Variants in DCDC1 observed in about 807,000 individuals in gnomAD.
The protein encoded by DCDC1 is doublecortin domain containing 1.
A neutral mutation model predicts 178.3 loss-of-function variants in DCDC1; 200 were observed. The ratio of observed to expected loss-of-function variants is 1.12; its 90% CI spans 1.00 to 1.26. DCDC1 has a LOEUF of 1.26. DCDC1 is among the 50% of genes most tolerant of loss of function. The pLI, the probability that DCDC1 is intolerant of heterozygous loss-of-function variation, is 0.00. For synonymous variants in DCDC1, 690 were observed against 604.8 expected (o/e 1.14, Z -2.07); for missense variants, 1,983 against 1,749.2 (o/e 1.13, Z -2.38).
intron 7 of DCDC1, among the ~76,000 whole-genome samples, chr11:31,271,351 T>C (rs1277440005): frequency 1.3e-5 from 2 of 152,224 alleles, no homozygotes; most frequent in African/African-American, 4.8e-5. Context: ...CTCTCTCATG[T>C]ATATTCATCT....
At chr11:31,301,219 A>G (rs1948094906) in intron 6 of DCDC1, among the ~76,000 whole-genome samples, 1 of 152,166 alleles carries the variant, frequency 6.6e-6, no homozygotes, top group South Asian at 2.1e-4. Flanking sequence ...TTGAATATAT[A>G]TAGAAAAGTG....
chr11:31,367,208 C>A (rs1444507266), intron 1 of DCDC1, among the ~76,000 whole-genome samples: 1 of 152,142 alleles, frequency 6.6e-6, no homozygotes, highest in Non-Finnish European at 1.5e-5. Flanking sequence ...CTGAGGTGGG[C>A]AGATGACTTG....
intron 11 of DCDC1, among the ~76,000 whole-genome samples, chr11:31,122,553 T>C (rs1960970278): frequency 6.6e-6 from 1 of 152,098 alleles, no homozygotes; most frequent in South Asian, 2.1e-4. Context: ...ATAAAATATC[T>C]AATACTTTTT....
intron 38 of DCDC1, 80 bp downstream of exon 38, chr11:30,878,464 G>GA (rs1942345278): frequency 4.7e-6 from 6 of 1,265,800 alleles, no homozygotes; most frequent in Admixed American, 3.0e-5. Context: ...AGAAAAGAAA[G>GA]AGGGGGGAAC....
At chr11:31,246,739 G>A (rs1943594613) in intron 8 of DCDC1, among the ~76,000 whole-genome samples, 1 of 152,050 alleles carries the variant, frequency 6.6e-6, no homozygotes, top group Non-Finnish European at 1.5e-5. Context: ...ACTGTCTCCT[G>A]TGTTGCTTGA....
chr11:30,890,713 T>C (rs1943699294), intron 36 of DCDC1, among the ~76,000 whole-genome samples: 1 of 152,178 alleles, frequency 6.6e-6, no homozygotes, highest in African/African-American at 2.4e-5. Context: ...ATAAAATCAT[T>C]CTAGTCTTTT....
rs768901430 is a variant in DCDC1 at position 31,094,048 on chromosome 11, A to G, written c.2118+2T>C. On this transcript the variant is annotated splice_donor_variant, in intron 16 of 38. Transcript: ENST00000684477. LOFTEE classifies it high-confidence loss of function. ...TCAGCAAAAGCAGACACTCTTAGGT[A>G]CCTTGGTGATCAGCCACACACTGGC... 5 of 766,018 alleles carry G rather than the reference A, an allele frequency of 6.5e-6. No individual in the cohort carries two copies. The South Asian group carries it at 6.7e-5, about 10-fold the overall frequency. The allele number at this position is 766,018 out of a possible 1,614,324, so 47.5% of individuals were successfully genotyped here.
intron 3 of DCDC1, among the ~76,000 whole-genome samples, chr11:31,314,949 T>A (rs1323549128): frequency 5.9e-5 from 9 of 152,196 alleles, no homozygotes; most frequent in Admixed American, 5.2e-4. Context: ...GAGATTTTCA[T>A]TAAATCTAGT....
At chr11:31,041,481 C>A (rs1372617078) in intron 20 of DCDC1, among the ~76,000 whole-genome samples, 1 of 152,100 alleles carries the variant, frequency 6.6e-6, no homozygotes, top group Non-Finnish European at 1.5e-5. Flanking sequence ...CATCACAGCC[C>A]AATAAGGCTG....
At chr11:30,919,973 CACGT>C (rs1171842855) in intron 25 of DCDC1, among the ~76,000 whole-genome samples, 1 of 152,098 alleles carries the variant, frequency 6.6e-6, no homozygotes, top group Non-Finnish European at 1.5e-5. Context: ...AGCACATTGC[CACGT>C]ACAGTCATTG....
intron 20 of DCDC1, among the ~76,000 whole-genome samples, chr11:31,051,557 C>T (rs1955249620): frequency 6.6e-6 from 1 of 152,146 alleles, no homozygotes; most frequent in African/African-American, 2.4e-5. Flanking sequence ...AGGAAAGAAT[C>T]TTAAGAGCTG....
chr11:31,155,184 GA>G, intron 9 of DCDC1, among the ~76,000 whole-genome samples: 1 of 152,284 alleles, frequency 6.6e-6, no homozygotes, highest in Non-Finnish European at 1.5e-5. Flanking sequence ...TACTTAGTCT[GA>G]AATGGATTCC....
chr11:31,297,357 A>ATT (rs35301487), intron 6 of DCDC1, among the ~76,000 whole-genome samples: 3,845 of 149,832 alleles, frequency 0.026, 155 homozygotes, highest in African/African-American at 0.089. Flanking sequence ...CATACTAGCC[A>ATT]TTTTTTTTTT....
At chr11:31,333,562 A>C (rs1483708386) in intron 2 of DCDC1, among the ~76,000 whole-genome samples, 1 of 152,166 alleles carries the variant, frequency 6.6e-6, no homozygotes, top group Non-Finnish European at 1.5e-5. Flanking sequence ...GAGCTCTTGT[A>C]AGGCAGGCCT....
chr11:31,129,319 T>G (rs1410954804), intron 10 of DCDC1, among the ~76,000 whole-genome samples: 1 of 152,184 alleles, frequency 6.6e-6, no homozygotes, highest in Admixed American at 6.5e-5. Context: ...CTATTTTACT[T>G]TCTTTTCCCA....
At chr11:30,875,595 C>T (rs1942044608) in intron 38 of DCDC1, among the ~76,000 whole-genome samples, 1 of 151,832 alleles carries the variant, frequency 6.6e-6, no homozygotes. Flanking sequence ...CTCAATGGCA[C>T]TCAGCACACC....
At chr11:31,202,665 A>C (rs941819306) in intron 9 of DCDC1, among the ~76,000 whole-genome samples, 7 of 152,194 alleles carry the variant, frequency 4.6e-5, no homozygotes, top group African/African-American at 1.4e-4. Context: ...AAAGAAAATC[A>C]AAAGGACATA....
rs916004499 is a variant in DCDC1, at chr11:31,091,400, G to C, written c.2230C>G (p.Gln744Glu). The part of the protein sequence containing the change: ...TSLEGYKLIL[Q>E]KRHSGDDSQK... ...ATAATTTATAAGCATTACCTTTTCT[G>C]TAAGATTAATTTATATCCTTCTAGT... The change falls in exon 17 of 39, where the codon CAG (glutamine) becomes GAG (glutamate). Residue 744 changes from glutamine to glutamate, a missense_variant. Coordinates refer to ENST00000684477, the MANE Select transcript of DCDC1 (RefSeq NM_001387274.1). 1.3e-6 allele frequency: 1 copy of C among 742,284 alleles called. No individual in the cohort carries two copies. The highest frequency in any genetic ancestry group is 1.7e-5 in the African/African-American group (1 of 58,744). 46.0% of individuals were successfully genotyped at this position (742,284 alleles called of 1,614,324 possible). A position where few individuals can be genotyped will look rare whatever the true frequency, so the allele number is the denominator to read the frequency against.
intron 28 of DCDC1, 131 bp downstream of exon 28, chr11:30,911,196 G>A: frequency 1.4e-6 from 1 of 729,702 alleles, no homozygotes; most frequent in Non-Finnish European, 2.2e-6. Flanking sequence ...GCAGACTATT[G>A]TAAATATTTT....
Sources: gnomAD v4.1 joint callset for allele counts (sites outside exome capture counted in the v4.1 genomes callset) on GRCh38, gnomAD v4.1.1 for gene constraint, MANE v1.5 for transcripts, NCBI Gene and HGNC (gene_info 2026-07-23, HGNC 2026-07-21) for gene names.